The following PPM1L variants were observed in gnomAD, a reference collection of about 807,000 sequenced individuals.
PPM1L encodes the protein protein phosphatase, Mg2+/Mn2+ dependent 1L.
PPM1L carries 13 observed loss-of-function variants against 31.4 expected under a neutral mutation model. The ratio of observed to expected loss-of-function variants is 0.41; its 90% CI spans 0.27 to 0.66. The LOEUF is 0.66. PPM1L is among the 30% of genes least tolerant of loss of function. PPM1L has a pLI of 0.29. For synonymous variants in PPM1L, 184 were observed against 175.4 expected (o/e 1.05, Z -0.39); for missense variants, 326 against 453.7 (o/e 0.72, Z 2.56).
intron 2 of PPM1L, among the ~76,000 whole-genome samples, chr3:160,976,525 G>C (rs1350822318): frequency 5.3e-5 from 8 of 150,166 alleles, no homozygotes; most frequent in Non-Finnish European, 1.2e-4. Flanking sequence ...TGGTTGGTAA[G>C]CTATTGATTA....
At chr3:161,030,415 A>G (rs1283856842) in intron 2 of PPM1L, among the ~76,000 whole-genome samples, 1 of 152,134 alleles carries the variant, frequency 6.6e-6, no homozygotes, top group African/African-American at 2.4e-5. Context: ...CTTATGGATC[A>G]GGCCCTCCCC....
intron 1 of PPM1L, among the ~76,000 whole-genome samples, chr3:160,876,577 C>G (rs1187012712): frequency 6.6e-6 from 1 of 152,238 alleles, no homozygotes; most frequent in Non-Finnish European, 1.5e-5. Flanking sequence ...GCTCCTGTTA[C>G]TGCAGACACT....
intron 1 of PPM1L, among the ~76,000 whole-genome samples, chr3:160,793,574 A>C (rs1355093036): frequency 6.6e-6 from 1 of 152,184 alleles, no homozygotes; most frequent in Non-Finnish European, 1.5e-5. Context: ...TTCTTTGTAG[A>C]GGATTTAAAA....
chr3:160,943,352 G>A (rs907162160), intron 1 of PPM1L, among the ~76,000 whole-genome samples: 2 of 152,108 alleles, frequency 1.3e-5, no homozygotes, highest in Admixed American at 6.6e-5. Context: ...CATCAAAAGA[G>A]GTTAAAATAA....
At chr3:160,836,493 AATGTAGC>A (rs1474164311) in intron 1 of PPM1L, among the ~76,000 whole-genome samples, 1 of 152,208 alleles carries the variant, frequency 6.6e-6, no homozygotes, top group African/African-American at 2.4e-5. Context: ...TCATCTGTAA[AATGTAGC>A]AGCTCAATTG....
At chr3:161,034,284 C>T (rs780642982) in intron 2 of PPM1L, among the ~76,000 whole-genome samples, 6 of 152,078 alleles carry the variant, frequency 3.9e-5, no homozygotes, top group East Asian at 1.9e-4. Flanking sequence ...GACAGTGTGG[C>T]GATTCCTCAA....
At chr3:160,914,889 A>G (rs1195796519) in intron 1 of PPM1L, among the ~76,000 whole-genome samples, 1 of 152,168 alleles carries the variant, frequency 6.6e-6, no homozygotes, top group Non-Finnish European at 1.5e-5. Context: ...TGGTTGAACT[A>G]GTTTACAGTC....
chr3:160,844,820 C>T (rs1360979364), intron 1 of PPM1L, among the ~76,000 whole-genome samples: 1 of 151,996 alleles, frequency 6.6e-6, no homozygotes, highest in African/African-American at 2.4e-5. Flanking sequence ...CAGAGTTGTG[C>T]AACTGTCATT....
At position 161,069,199 on chromosome 3, in the gene PPM1L, A is replaced by AAGAGACACACTAAAGAG; in HGVS notation, c.*43_*44insGAGACACACTAAAGAGA. 7.1e-7 allele frequency: 1 copy of AAGAGACACACTAAAGAG among 1,398,634 alleles called. No individual in the cohort carries two copies. The highest frequency in any genetic ancestry group is 9.8e-7 in the Non-Finnish European group (1 of 1,015,574). 86.6% of individuals were successfully genotyped at this position (1,398,634 alleles called of 1,614,324 possible). ...AGCTGCCTTAGACTAAAGGACTTTCAACACACTGGTCTCTTTTAATTTAGT... is the reference window on the plus strand; with the variant it reads ...AGCTGCCTTAGACTAAAGGACTTTCAAGAGACACACTAAAGAGACACACTGGTCTCTTTTAATTTAGT... On this transcript the variant is annotated 3_prime_UTR_variant, in exon 4 of 4. Coordinates refer to ENST00000498165, the MANE Select transcript of PPM1L (RefSeq NM_139245.4).
intron 1 of PPM1L, among the ~76,000 whole-genome samples, chr3:160,910,836 A>G (rs4679664): frequency 1 from 151,762 of 152,344 alleles, 75,594 homozygotes; most frequent in East Asian, 1. Flanking sequence ...TTGCACCTTT[A>G]TTGCAGGCTG....
rs1719981142 is a variant in PPM1L, at chr3:161,073,023, T to C, written c.*3866T>C. ...GTTTAATTGCCTCTGGATTAAGTCA[T>C]TGATAGCTAGACTTTTGAGCTAGTT... On this transcript the variant is annotated 3_prime_UTR_variant, in exon 4 of 4. Transcript: ENST00000498165. 1 of 152,200 alleles carries C rather than the reference T, an allele frequency of 6.6e-6. No individual in the cohort carries two copies. The highest frequency in any genetic ancestry group is 2.4e-5 in the African/African-American group (1 of 41,446). 9.4% of individuals were successfully genotyped at this position (152,200 alleles called of 1,614,324 possible).
At chr3:160,937,747 A>G (rs1204970117) in intron 1 of PPM1L, among the ~76,000 whole-genome samples, 1 of 152,200 alleles carries the variant, frequency 6.6e-6, no homozygotes, top group Non-Finnish European at 1.5e-5. Flanking sequence ...TGAAGTCCAT[A>G]TAGTCAAGGT....
At chr3:161,025,961 C>T (rs1028581506) in intron 2 of PPM1L, among the ~76,000 whole-genome samples, 6 of 152,010 alleles carry the variant, frequency 3.9e-5, no homozygotes, top group East Asian at 1.9e-4. Flanking sequence ...GTGGTAGGTA[C>T]GTGAATATTT....
At chr3:161,062,610 A>T (rs564848538) in intron 2 of PPM1L, among the ~76,000 whole-genome samples, 54 of 151,884 alleles carry the variant, frequency 3.6e-4, no homozygotes, top group African/African-American at 1.2e-3. Context: ...CCTGCTTAAA[A>T]CCCTTCAGTG....
At chr3:160,835,506 A>G (rs1174931342) in intron 1 of PPM1L, among the ~76,000 whole-genome samples, 2 of 151,968 alleles carry the variant, frequency 1.3e-5, no homozygotes, top group Non-Finnish European at 2.9e-5. Context: ...TTTCCTCCCT[A>G]TTCAGCTGCC....
At chr3:160,769,617 T>C (rs79140017) in intron 1 of PPM1L, among the ~76,000 whole-genome samples, 1 of 140,934 alleles carries the variant, frequency 7.1e-6, no homozygotes, top group Non-Finnish European at 1.5e-5. Flanking sequence ...ACAAGGTGGG[T>C]TTTTTTTTTC....
At chr3:160,938,492 A>G (rs1715053046) in intron 1 of PPM1L, among the ~76,000 whole-genome samples, 1 of 152,224 alleles carries the variant, frequency 6.6e-6, no homozygotes, top group Non-Finnish European at 1.5e-5. Flanking sequence ...TTACTCTGCT[A>G]TTAGTCTATC....
intron 2 of PPM1L, among the ~76,000 whole-genome samples, chr3:161,005,273 A>T (rs1717666372): frequency 6.6e-6 from 1 of 152,106 alleles, no homozygotes; most frequent in African/African-American, 2.4e-5. Context: ...GATCTTTCTA[A>T]TTTATTTATT....
chr3:160,808,107 C>G (rs997008896), intron 1 of PPM1L, among the ~76,000 whole-genome samples: 1 of 152,116 alleles, frequency 6.6e-6, no homozygotes, highest in Non-Finnish European at 1.5e-5. Flanking sequence ...TTTCACATTG[C>G]CTGTTTATCT....
Sources: gnomAD v4.1 joint callset for allele counts (sites outside exome capture counted in the v4.1 genomes callset) on GRCh38, gnomAD v4.1.1 for gene constraint, MANE v1.5 for transcripts, NCBI Gene and HGNC (gene_info 2026-07-23, HGNC 2026-07-21) for gene names.